Variants in EIF3L observed in about 807,000 individuals in gnomAD.
EIF3L encodes eIEF associated protein HSPC021.
In EIF3L, 32 loss-of-function variants were observed where a neutral mutation model predicts 74.6. That is an observed-to-expected ratio of 0.43 (90% CI 0.32 to 0.58). The LOEUF is 0.58. Among genes scored for constraint, EIF3L ranks in the 20% least tolerant of loss-of-function variants. The pLI, the probability that EIF3L is intolerant of heterozygous loss-of-function variation, is 0.06. For synonymous variants in EIF3L, 256 were observed against 254.4 expected, an observed-to-expected ratio of 1.01 and a Z score of -0.06; for missense variants, 474 against 707.8, an observed-to-expected ratio of 0.67 and a Z score of 3.75.
chr22:37,874,649 G>T, intron 9 of EIF3L, 125 bp downstream of exon 9: 2 of 1,183,354 alleles, frequency 1.7e-6, no homozygotes, highest in South Asian at 3.4e-5. Flanking sequence ...GCCATTGAAA[G>T]TTGAGACTAA....
chr22:37,857,885 T>G (rs2145804606), intron 4 of EIF3L, among the ~76,000 whole-genome samples: 1 of 152,278 alleles, frequency 6.6e-6, no homozygotes, highest in East Asian at 1.9e-4. Context: ...AAACTCATTC[T>G]GTGGCTGGGT....
chr22:37,856,489 C>T (rs1925513411), intron 4 of EIF3L, among the ~76,000 whole-genome samples: 1 of 152,202 alleles, frequency 6.6e-6, no homozygotes, highest in Non-Finnish European at 1.5e-5. Context: ...AGATTACAGG[C>T]ATGCACCACT....
chr22:37,855,588 T>A lies in EIF3L; in HGVS notation c.317T>A (p.Phe106Tyr). 2 of 1,614,214 alleles carry A rather than the reference T, an allele frequency of 1.2e-6. No homozygotes were observed. Among genetic ancestry groups the A allele is most frequent in the Non-Finnish European group, 1.7e-6 (2 of 1,180,028 alleles). Reference sequence around the variant, plus strand: ...AGCTGGACCAAGCTGACTGAAAGATTCTTCAAGAATACACCTTGGCCCGAG... The same window carrying A: ...AGCTGGACCAAGCTGACTGAAAGATACTTCAAGAATACACCTTGGCCCGAG... ...ENSWTKLTER[F>Y]FKNTPWPEAE... The change falls in exon 4 of 13, where the codon TTC (phenylalanine) becomes TAC (tyrosine). Residue 106 changes from phenylalanine to tyrosine, a missense_variant. By Grantham distance (22) the Phe-to-Tyr change is conservative (BLOSUM62 3). This residue lies in a region of EIF3L where 141 missense variants were observed against 197.7 expected (regional missense o/e 0.71). Transcript: ENST00000652021.
intron 7 of EIF3L, among the ~76,000 whole-genome samples, chr22:37,866,736 A>T (rs1398941473): frequency 1.3e-5 from 2 of 152,094 alleles, no homozygotes; most frequent in Non-Finnish European, 2.9e-5. Flanking sequence ...CAGTGAGCTG[A>T]GATTGCGCCA....
chr22:37,849,936 C>T, intron 1 of EIF3L, 79 bp from the exon 2 acceptor site: 1 of 1,505,296 alleles, frequency 6.6e-7, no homozygotes, highest in Non-Finnish European at 9.2e-7. Context: ...TAGCTCTCTG[C>T]TTGGCATCTA....
At chr22:37,881,277 C>G (rs1359740094) in intron 11 of EIF3L, 6 of 152,182 alleles carry the variant, frequency 3.9e-5, no homozygotes, top group Admixed American at 3.9e-4. Flanking sequence ...TTGTATCACT[C>G]AGGCTGTAGT....
intron 4 of EIF3L, among the ~76,000 whole-genome samples, chr22:37,857,369 CAAA>C (rs375301957): frequency 1.0e-4 from 6 of 58,248 alleles, no homozygotes; most frequent in Admixed American, 2.7e-4. Flanking sequence ...GACTGCGTCC[CAAA>C]AAAAAAAAAA....
At chr22:37,853,504 G>C (rs1925338802) in intron 3 of EIF3L, among the ~76,000 whole-genome samples, 1 of 152,194 alleles carries the variant, frequency 6.6e-6, no homozygotes, top group Non-Finnish European at 1.5e-5. Flanking sequence ...CATGGTGGCA[G>C]CATGCCTATA....
chr22:37,860,019 A>G (rs915264604), intron 5 of EIF3L, among the ~76,000 whole-genome samples: 1 of 152,030 alleles, frequency 6.6e-6, no homozygotes, highest in Non-Finnish European at 1.5e-5. Context: ...TCTCAAAAAG[A>G]AAAGAAAAAT....
chr22:37,862,781 T>G (rs990353079), intron 5 of EIF3L, among the ~76,000 whole-genome samples, 188 bp from the exon 6 acceptor site: 6 of 152,196 alleles, frequency 3.9e-5, no homozygotes, highest in Non-Finnish European at 8.8e-5. Context: ...TAACCACGTG[T>G]TGCAGTATTC....
chr22:37,874,152 A>G (rs1926622729), intron 8 of EIF3L, among the ~76,000 whole-genome samples: 1 of 152,154 alleles, frequency 6.6e-6, no homozygotes, highest in Admixed American at 6.6e-5. Context: ...AAATAAGCAA[A>G]ATGAACTGCC....
chr22:37,854,741 A>G (rs924192979), intron 3 of EIF3L, among the ~76,000 whole-genome samples: 1 of 152,212 alleles, frequency 6.6e-6, no homozygotes, highest in Admixed American at 6.5e-5. Context: ...TGTTGAGATT[A>G]CGGGTGTGAG....
intron 3 of EIF3L, 114 bp from the exon 4 acceptor site, chr22:37,855,451 C>A: frequency 1.1e-6 from 1 of 887,064 alleles, no homozygotes; most frequent in Non-Finnish European, 1.8e-6. Flanking sequence ...TTGGCCTCAG[C>A]TCTGTTTATT....
chr22:37,871,175 T>A (rs1476150078), intron 8 of EIF3L: 2 of 151,968 alleles, frequency 1.3e-5, no homozygotes, highest in African/African-American at 4.8e-5. Context: ...ATAGGAAGTT[T>A]TTTTGTTGTT....
chr22:37,856,792 C>T (rs956539465), intron 4 of EIF3L, among the ~76,000 whole-genome samples: 6 of 150,476 alleles, frequency 4.0e-5, no homozygotes, highest in African/African-American at 9.8e-5. Context: ...TGCGGTGAGC[C>T]GAGATCGCGC....
intron 12 of EIF3L, chr22:37,887,578 G>A (rs1927388214): frequency 2.0e-5 from 3 of 152,458 alleles, no homozygotes; most frequent in African/African-American, 4.8e-5. Context: ...AAAGCTTGAG[G>A]TTGGCCCTTT....
intron 7 of EIF3L, among the ~76,000 whole-genome samples, chr22:37,866,782 T>A (rs1249954176): frequency 6.6e-6 from 1 of 151,856 alleles, no homozygotes; most frequent in Non-Finnish European, 1.5e-5. Context: ...CAAGACTCTG[T>A]CTCAAAAAAA....
At chr22:37,866,065 G>A (rs753713958) in intron 7 of EIF3L, among the ~76,000 whole-genome samples, 3 of 152,160 alleles carry the variant, frequency 2.0e-5, no homozygotes, top group Non-Finnish European at 4.4e-5. Flanking sequence ...TCAAACTACA[G>A]ATATAGTGAA....
At chr22:37,874,039 T>G (rs1043594164) in intron 8 of EIF3L, among the ~76,000 whole-genome samples, 1 of 152,202 alleles carries the variant, frequency 6.6e-6, no homozygotes, top group African/African-American at 2.4e-5. Flanking sequence ...AGTGTTGTTA[T>G]TAGGAAAATA....
Sources: allele counts gnomAD v4.1 joint callset (sites outside exome capture counted in the v4.1 genomes callset), GRCh38; gene constraint gnomAD v4.1.1; regional missense constraint gnomAD v4.1.1; transcripts MANE v1.5; gene names NCBI Gene and HGNC (gene_info 2026-07-23, HGNC 2026-07-21).